ODF2: variants seen among roughly 807,000 people sequenced by gnomAD.
ODF2 encodes outer dense fiber protein 2.
ODF2 carries 47 observed loss-of-function variants against 110.2 expected under a neutral mutation model. The observed-to-expected ratio is 0.43, with a 90% confidence interval of 0.34 to 0.54. The LOEUF is 0.54. ODF2 is among the 20% of genes least tolerant of loss of function. The pLI is 0.03. For synonymous variants in ODF2, 352 were observed against 397.7 expected, an observed-to-expected ratio of 0.89 and a Z score of 1.37; for missense variants, 812 against 1,054.5, an observed-to-expected ratio of 0.77 and a Z score of 3.19.
intron 15 of ODF2, 44 bp downstream of exon 15, chr9:128,492,580 C>T (rs758871908): frequency 1.3e-6 from 2 of 1,528,914 alleles, no homozygotes; most frequent in Non-Finnish European, 1.8e-6. Context: ...AGTGCCCTCC[C>T]TGCCCCCATC....
intron 12 of ODF2, 72 bp downstream of exon 12, chr9:128,484,958 C>A: frequency 1.3e-6 from 2 of 1,498,542 alleles, no homozygotes; most frequent in Non-Finnish European, 1.8e-6. Context: ...GGGTGGTCAG[C>A]CAGATGGGTA....
At chr9:128,495,396 C>T (rs905837767) in intron 17 of ODF2, among the ~76,000 whole-genome samples, 2 of 152,342 alleles carry the variant, frequency 1.3e-5, no homozygotes, top group African/African-American at 4.8e-5. Flanking sequence ...TCCCCACCAT[C>T]ACAGAGCTAG....
exon 1 of ODF2, chr9:128,456,169 G>A (rs1404911255): frequency 1.0e-5 from 16 of 1,549,194 alleles, no homozygotes; most frequent in Non-Finnish European, 1.2e-5. Context: ...GACTGCATCC[G>A]CCGCGGCGTC....
At chr9:128,472,699 C>T (rs1220260467) in intron 6 of ODF2, among the ~76,000 whole-genome samples, 1 of 152,198 alleles carries the variant, frequency 6.6e-6, no homozygotes, top group African/African-American at 2.4e-5. Flanking sequence ...GCTAATGTCT[C>T]CTGGTGTGGA....
chr9:128,455,678 G>GGA (rs5900796), upstream of ODF2, among the ~76,000 whole-genome samples: 51,769 of 151,266 alleles, frequency 0.34, 11,025 homozygotes, highest in African/African-American at 0.6. Flanking sequence ...TGTGGGCAGG[G>GGA]GAGAGGCCGG....
exon 18 of ODF2, chr9:128,496,056 G>T (rs1845518571): frequency 6.2e-7 from 1 of 1,613,890 alleles, no homozygotes; most frequent in Middle Eastern, 1.6e-4. Context: ...ACACCAGGGG[G>T]ACAAGCTGGA....
At chr9:128,488,264 A>C (rs1361517604) in intron 14 of ODF2, among the ~76,000 whole-genome samples, 2 of 152,098 alleles carry the variant, frequency 1.3e-5, no homozygotes, top group Non-Finnish European at 2.9e-5. Context: ...GTGTCTGCAA[A>C]ACATACAAAA....
exon 10 of ODF2, chr9:128,482,839 C>T (rs1842661145): frequency 1.2e-6 from 2 of 1,611,230 alleles, no homozygotes; most frequent in Non-Finnish European, 1.7e-6. Context: ...TGCTGCAAGA[C>T]AAGGACAAGG....
At chr9:128,468,510 T>C (rs1838875468) in intron 4 of ODF2, among the ~76,000 whole-genome samples, 1 of 152,110 alleles carries the variant, frequency 6.6e-6, no homozygotes, top group Admixed American at 6.6e-5. Flanking sequence ...ATCACAGGCA[T>C]GTGCCACTAC....
intron 5 of ODF2, 33 bp downstream of exon 5, chr9:128,469,386 C>G: frequency 6.2e-7 from 1 of 1,609,680 alleles, no homozygotes; most frequent in Non-Finnish European, 8.5e-7. Flanking sequence ...ATAGCTACTA[C>G]CCTGAGGATG....
chr9:128,487,182 A>T (rs892034225), intron 13 of ODF2, among the ~76,000 whole-genome samples: 12 of 152,138 alleles, frequency 7.9e-5, no homozygotes, highest in African/African-American at 2.7e-4. Flanking sequence ...GCTGGGCTCA[A>T]GCAATCCTCC....
intron 6 of ODF2, among the ~76,000 whole-genome samples, chr9:128,472,470 A>C (rs1036037905): frequency 6.6e-6 from 1 of 152,188 alleles, no homozygotes; most frequent in Non-Finnish European, 1.5e-5. Flanking sequence ...CGGCTTCCCA[A>C]AGTGCTGGGA....
At chr9:128,488,955 C>T (rs781145613) in intron 14 of ODF2, among the ~76,000 whole-genome samples, 1 of 152,174 alleles carries the variant, frequency 6.6e-6, no homozygotes, top group Non-Finnish European at 1.5e-5. Context: ...TGCAGTGAGC[C>T]GAGATTGCGC....
chr9:128,455,974 G>T (rs957741293), upstream of ODF2: 249 of 1,410,692 alleles, frequency 1.8e-4, no homozygotes, highest in Middle Eastern at 2.2e-3. Flanking sequence ...CCTTGGTGAC[G>T]GGACGCGTGG....
At chr9:128,456,174 G>C in exon 1 of ODF2, 1 of 1,549,350 alleles carries the variant, frequency 6.5e-7, no homozygotes, top group Non-Finnish European at 8.7e-7. Flanking sequence ...CATCCGCCGC[G>C]GCGTCTCCAT....
intron 3 of ODF2, chr9:128,460,308 T>C (rs1449283292): frequency 7.1e-7 from 1 of 1,407,744 alleles, no homozygotes. Flanking sequence ...GGGTGGGTCT[T>C]GCAGACCCTC....
At chr9:128,488,734 G>A (rs185551947) in intron 14 of ODF2, among the ~76,000 whole-genome samples, 7 of 151,964 alleles carry the variant, frequency 4.6e-5, no homozygotes, top group East Asian at 1.9e-4. Flanking sequence ...ATAAGGGGCC[G>A]GGCTCACGTC....
intron 6 of ODF2, among the ~76,000 whole-genome samples, chr9:128,472,024 G>A (rs540452682): frequency 6.6e-6 from 1 of 152,290 alleles, no homozygotes; most frequent in Non-Finnish European, 1.5e-5. Flanking sequence ...GCTCACGCCT[G>A]TAATCCCAGC....
At chr9:128,495,799 G>A (rs1266097629) in intron 17 of ODF2, among the ~76,000 whole-genome samples, 1 of 152,156 alleles carries the variant, frequency 6.6e-6, no homozygotes, top group Non-Finnish European at 1.5e-5. Context: ...GATCGAGAAA[G>A]CATCTTTGTC....
Sources: gnomAD v4.1 joint callset for allele counts (sites outside exome capture counted in the v4.1 genomes callset) on GRCh38, gnomAD v4.1.1 for gene constraint, MANE v1.5 for transcripts, NCBI Gene and HGNC (gene_info 2026-07-23, HGNC 2026-07-21) for gene names.